Variants in DSCAM observed in about 807,000 individuals in gnomAD.
DSCAM encodes DS cell adhesion molecule.
Under a neutral mutation model 217.7 loss-of-function variants are expected in DSCAM, and 47 were observed. That is an observed-to-expected ratio of 0.22 (90% CI 0.17 to 0.28). The LOEUF is 0.28. Among genes scored for constraint, DSCAM ranks in the 10% least tolerant of loss-of-function variants. The pLI, the probability that DSCAM is intolerant of heterozygous loss-of-function variation, is 1.00. For missense variants in DSCAM, 2,080 were observed against 2,618.3 expected, an observed-to-expected ratio of 0.79 and a Z score of 4.49; for synonymous variants, 1,056 against 1,015.3, an observed-to-expected ratio of 1.04 and a Z score of -0.76.
At chr21:40,022,507 T>C (rs1023811119) in intron 32 of DSCAM, among the ~76,000 whole-genome samples, 1 of 152,240 alleles carries the variant, frequency 6.6e-6, no homozygotes, top group African/African-American at 2.4e-5. Flanking sequence ...CTCAGAATAC[T>C]AGTCCACAAG....
At chr21:40,248,959 G>T (rs1249189812) in intron 11 of DSCAM, among the ~76,000 whole-genome samples, 1 of 152,098 alleles carries the variant, frequency 6.6e-6, no homozygotes, top group Non-Finnish European at 1.5e-5. Context: ...AGAAACCCCT[G>T]ATAAACCCAT....
rs3069908 is a variant in DSCAM at position 40,403,629 on chromosome 21, GCACACACA to G, written c.509-34392_509-34385del. ...CATACATGTATGCAAGCATGCATGT[GCACACACA>G]CACACACACACACACACACACACAC... On this transcript the variant is annotated intron_variant, in intron 3 of 32. Transcript: ENST00000400454. Among the ~76,000 whole-genome samples, 182 of 145,888 alleles carry G rather than the reference GCACACACA, an allele frequency of 1.2e-3. 1 individual carries two copies. Among genetic ancestry groups the G allele is most frequent in the East Asian group, 8.0e-3 (39 of 4,900 alleles).
intron 29 of DSCAM, among the ~76,000 whole-genome samples, chr21:40,053,220 C>T (rs2088960631): frequency 6.6e-6 from 1 of 152,228 alleles, no homozygotes; most frequent in Non-Finnish European, 1.5e-5. Context: ...AATAAAATTT[C>T]CTGGCAGAGA....
chr21:40,743,214 C>T (rs1022846125), intron 1 of DSCAM, among the ~76,000 whole-genome samples: 2 of 152,146 alleles, frequency 1.3e-5, no homozygotes, highest in African/African-American at 4.8e-5. Flanking sequence ...AGCAGTACAT[C>T]CCACAAATGA....
At chr21:40,197,330 G>A (rs1437540073) in intron 11 of DSCAM, among the ~76,000 whole-genome samples, 2 of 152,080 alleles carry the variant, frequency 1.3e-5, no homozygotes, top group Non-Finnish European at 2.9e-5. Flanking sequence ...TTGTTAGCCA[G>A]GATGGTCTCG....
At chr21:40,282,665 G>A (rs1244834319) in intron 10 of DSCAM, among the ~76,000 whole-genome samples, 3 of 117,982 alleles carry the variant, frequency 2.5e-5, no homozygotes, top group African/African-American at 8.9e-5. Context: ...CTGTATTTAA[G>A]AAACTGAAAA....
rs544778480 is a variant in DSCAM, at chr21:40,686,514, C to T, written c.508+6296G>A. Among the ~76,000 whole-genome samples the T allele has an allele frequency of 9.8e-4, 149 of 152,284 alleles. 1 individual carries two copies. Among genetic ancestry groups the T allele is most frequent in the Non-Finnish European group, 1.9e-3 (127 of 68,016 alleles). Reference sequence around the variant, plus strand: ...CCTCTGGGCTAAATTTGCCCCAATGCTTTCTTTTCTTGTTTTCTTTTTTAA... The same window carrying T: ...CCTCTGGGCTAAATTTGCCCCAATGTTTTCTTTTCTTGTTTTCTTTTTTAA... On this transcript the variant is annotated intron_variant, in intron 3 of 32. Transcript: ENST00000400454.
chr21:40,042,346 C>A (rs2088766309), intron 32 of DSCAM, 25 bp downstream of exon 32: 1 of 1,606,680 alleles, frequency 6.2e-7, no homozygotes, highest in Non-Finnish European at 8.5e-7. Flanking sequence ...TAAGCGACGG[C>A]CCCCAGGTGG....
chr21:40,429,586 G>A (rs1569119145), intron 3 of DSCAM, among the ~76,000 whole-genome samples: 1 of 152,182 alleles, frequency 6.6e-6, no homozygotes, highest in Non-Finnish European at 1.5e-5. Flanking sequence ...GTTTTAAAGT[G>A]TGAACTGTGG....
chr21:40,799,713 C>T (rs1192164992), intron 1 of DSCAM, among the ~76,000 whole-genome samples: 1 of 152,160 alleles, frequency 6.6e-6, no homozygotes, highest in Non-Finnish European at 1.5e-5. Context: ...CCTCTTATTC[C>T]ATCATCACAT....
intron 1 of DSCAM, among the ~76,000 whole-genome samples, chr21:40,821,229 T>A (rs1258840319): frequency 2.6e-5 from 4 of 151,530 alleles, no homozygotes; most frequent in African/African-American, 9.7e-5. Flanking sequence ...AACTTAAGAG[T>A]CAGTACATTT....
chr21:40,607,226 A>C (rs1006716415), intron 3 of DSCAM, among the ~76,000 whole-genome samples: 9 of 60 alleles, frequency 0.15, no homozygotes, highest in Non-Finnish European at 0.2. Flanking sequence ...TGTTTCAGTT[A>C]ATCAGCAAAA....
intron 3 of DSCAM, among the ~76,000 whole-genome samples, chr21:40,589,117 T>A (rs762468327): frequency 7.1e-6 from 1 of 140,736 alleles, no homozygotes; most frequent in East Asian, 2.1e-4. Flanking sequence ...ACAACGAAAT[T>A]GCAATCAACA....
At chr21:40,466,377 G>A (rs551802429) in intron 3 of DSCAM, among the ~76,000 whole-genome samples, 6 of 152,166 alleles carry the variant, frequency 3.9e-5, no homozygotes, top group East Asian at 3.9e-4. Context: ...GTTGATCCAC[G>A]TAGCCCCAGG....
intron 1 of DSCAM, among the ~76,000 whole-genome samples, chr21:40,735,132 A>C (rs2091050604): frequency 6.6e-6 from 1 of 152,248 alleles, no homozygotes; most frequent in African/African-American, 2.4e-5. Flanking sequence ...CATGTATCAC[A>C]CTGAGGGTAC....
At chr21:40,723,625 C>A (rs1421614239) in intron 1 of DSCAM, among the ~76,000 whole-genome samples, 4 of 152,208 alleles carry the variant, frequency 2.6e-5, no homozygotes, top group East Asian at 1.9e-4. Context: ...TTATTGAATG[C>A]ATAAATAAAT....
At chr21:40,493,727 G>A (rs2076094218) in intron 3 of DSCAM, among the ~76,000 whole-genome samples, 1 of 151,602 alleles carries the variant, frequency 6.6e-6, no homozygotes, top group African/African-American at 2.4e-5. Flanking sequence ...GCTGGGCATG[G>A]TGGCACGTGC....
At chr21:40,182,641 A>AG (rs2090827998) in intron 14 of DSCAM, among the ~76,000 whole-genome samples, 1 of 74,730 alleles carries the variant, frequency 1.3e-5, no homozygotes, top group Non-Finnish European at 2.5e-5. Context: ...AACCGTGGAC[A>AG]GGAGGGGGTT....
chr21:40,651,282 G>A (rs1260266534), intron 3 of DSCAM, among the ~76,000 whole-genome samples: 2 of 152,150 alleles, frequency 1.3e-5, no homozygotes, highest in African/African-American at 4.8e-5. Flanking sequence ...AGGCTTGAGG[G>A]TCTTCAGGCA....
Sources: gnomAD v4.1 joint callset for allele counts (sites outside exome capture counted in the v4.1 genomes callset) on GRCh38, gnomAD v4.1.1 for gene constraint, MANE v1.5 for transcripts, NCBI Gene and HGNC (gene_info 2026-07-23, HGNC 2026-07-21) for gene names.